The following RNF216 variants were observed in gnomAD, a reference collection of about 807,000 sequenced individuals.
RNF216 encodes ring finger protein 216.
In RNF216, 72 loss-of-function variants were observed where a neutral mutation model predicts 110.8. The ratio of observed to expected loss-of-function variants is 0.65; its 90% CI spans 0.54 to 0.79. RNF216 has a LOEUF of 0.79. Ranked by LOEUF, RNF216 falls within the 30% of genes least tolerant of loss-of-function variation. RNF216 has a pLI of 0.00. For missense variants in RNF216, 1,342 were observed against 1,141.2 expected (o/e 1.18, Z -2.54); for synonymous variants, 495 against 407.5 (o/e 1.21, Z -2.59).
Position 5,734,070 on chromosome 7 carries a change from C to G in RNF216, c.1122-3253G>C, listed in dbSNP as rs1794249038. 2.6e-5 allele frequency among the ~76,000 whole-genome samples: 4 copies of G among 152,148 alleles called. No homozygotes were observed. In the South Asian group the frequency reaches 8.3e-4, roughly 32 times the overall value. ...TAAAAGCTTAGGAGGGGAAAAAAATCTCCAACAAACAATTCTGCTGGAAGA... is the reference window on the plus strand; with the variant it reads ...TAAAAGCTTAGGAGGGGAAAAAAATGTCCAACAAACAATTCTGCTGGAAGA... On this transcript the variant is annotated intron_variant, in intron 5 of 16. Transcript: ENST00000389902.
Position 5,696,697 on chromosome 7 carries a change from G to C in RNF216, c.2061+15064C>G, listed in dbSNP as rs960695308. On this transcript the variant is annotated intron_variant, in intron 13 of 16. Coordinates refer to ENST00000389902, the MANE Select transcript of RNF216 (RefSeq NM_207111.4). This position sits in a 1 kb window ranked among gnomAD's most constrained non-coding sequence, Gnocchi z 5.4. ...TGCCCCCAACCTGCCCTTAGAACCA[G>C]GTTCCTTCAGGCCAAATCCCACCTA... 6.6e-6 allele frequency among the ~76,000 whole-genome samples: 1 copy of C among 152,158 alleles called. No individual in the cohort carries two copies. Among genetic ancestry groups the C allele is most frequent in the Non-Finnish European group, 1.5e-5 (1 of 68,026 alleles).
At chr7:5,767,291 G>A (rs117484155) in intron 1 of RNF216, among the ~76,000 whole-genome samples, 3,799 of 152,230 alleles carry the variant, frequency 0.025, 75 homozygotes, top group South Asian at 0.061. Flanking sequence ...TATATTTTTT[G>A]TCTCCTGAAG....
intron 5 of RNF216, among the ~76,000 whole-genome samples, chr7:5,732,435 A>C (rs1012321483): frequency 2.0e-5 from 3 of 152,260 alleles, no homozygotes; most frequent in African/African-American, 7.2e-5. Context: ...ATGGAACAGT[A>C]GATATGATTT....
chr7:5,628,999 A>T (rs1368995811), intron 15 of RNF216, among the ~76,000 whole-genome samples: 2 of 151,610 alleles, frequency 1.3e-5, no homozygotes, highest in African/African-American at 4.8e-5. Flanking sequence ...GAGTTAAGAG[A>T]CCAGTGTGGC....
chr7:5,673,800 C>A (rs1288799557), intron 13 of RNF216, among the ~76,000 whole-genome samples: 1 of 151,508 alleles, frequency 6.6e-6, no homozygotes, highest in Non-Finnish European at 1.5e-5. Context: ...TCACCTGAAC[C>A]CAGGAGTTTG....
chr7:5,761,552 C>G (rs1584595910), intron 1 of RNF216, among the ~76,000 whole-genome samples: 1 of 152,276 alleles, frequency 6.6e-6, no homozygotes, highest in African/African-American at 2.4e-5. Flanking sequence ...CTTTGGGAGG[C>G]CGAGGCGGGC....
At chr7:5,738,705 C>T (rs1794578969) in intron 5 of RNF216, among the ~76,000 whole-genome samples, 1 of 35,606 alleles carries the variant, frequency 2.8e-5, no homozygotes, top group Non-Finnish European at 5.0e-5. Context: ...GAGACTCCGT[C>T]TCAAAAAAAA....
At chr7:5,757,682 CAG>C (rs961971316) in intron 2 of RNF216, among the ~76,000 whole-genome samples, 12 of 152,008 alleles carry the variant, frequency 7.9e-5, no homozygotes, top group African/African-American at 2.9e-4. Context: ...TATGAAATGA[CAG>C]AGTCAAAAAA....
chr7:5,665,962 G>T (rs1308907245), intron 13 of RNF216, among the ~76,000 whole-genome samples: 1 of 152,058 alleles, frequency 6.6e-6, no homozygotes, highest in African/African-American at 2.4e-5. Context: ...TCAGGAGATC[G>T]AGACGATCCT....
chr7:5,623,129 C>T lies in RNF216; in HGVS notation c.2503G>A (p.Val835Met). 1 of 1,597,110 alleles carries T rather than the reference C, an allele frequency of 6.3e-7. No individual in the cohort carries two copies. Among genetic ancestry groups the T allele is most frequent in the Non-Finnish European group, 8.6e-7 (1 of 1,167,402 alleles). Residue 835 changes from valine (V) to methionine (M), a missense_variant, in exon 17 of 17, where the codon GTG becomes ATG. Val to Met is a conservative substitution (Grantham distance 21, BLOSUM62 1). Coordinates refer to ENST00000389902, the MANE Select transcript of RNF216 (RefSeq NM_207111.4). ...GPPLEKPVEK[V>M]QRVEALPRPV... ...CTCGGGAGGGCCTCCACCCTCTGCA[C>T]CTTCTCCACAGGCTTCTCCAGCGGG...
At chr7:5,651,231 T>C (rs1180169618) in intron 14 of RNF216, among the ~76,000 whole-genome samples, 1 of 148,686 alleles carries the variant, frequency 6.7e-6, no homozygotes, top group African/African-American at 2.5e-5. Flanking sequence ...AATCTTCTCT[T>C]TTTTTTTTTT....
chr7:5,772,085 T>C (rs781256557), intron 1 of RNF216, among the ~76,000 whole-genome samples: 1 of 151,778 alleles, frequency 6.6e-6, no homozygotes, highest in Non-Finnish European at 1.5e-5. Context: ...AATACAAAAT[T>C]AGCTGGGCAT....
chr7:5,760,501 T>C, intron 2 of RNF216: 2 of 312,852 alleles, frequency 6.4e-6, no homozygotes, highest in South Asian at 2.5e-5. Flanking sequence ...GGGCAATGAG[T>C]AAAATTCCAT....
At chr7:5,752,553 T>C (rs1033710747) in intron 3 of RNF216, among the ~76,000 whole-genome samples, 6 of 152,088 alleles carry the variant, frequency 3.9e-5, no homozygotes, top group African/African-American at 1.4e-4. Flanking sequence ...TGGGATAATA[T>C]GGAAAATATA....
At chr7:5,660,915 T>C (rs1789076866) in intron 13 of RNF216, among the ~76,000 whole-genome samples, 1 of 149,080 alleles carries the variant, frequency 6.7e-6, no homozygotes, top group Non-Finnish European at 1.5e-5. Context: ...CTTTTCACAG[T>C]ACTAGCTCCA....
intron 5 of RNF216, among the ~76,000 whole-genome samples, chr7:5,737,002 C>T (rs1445256498): frequency 3.3e-5 from 5 of 151,954 alleles, no homozygotes; most frequent in East Asian, 3.9e-4. Context: ...TCTGCCCGGC[C>T]GCCACCCCGT....
intron 15 of RNF216, among the ~76,000 whole-genome samples, chr7:5,633,447 C>T (rs1787201785): frequency 6.6e-6 from 1 of 152,028 alleles, no homozygotes; most frequent in Non-Finnish European, 1.5e-5. Flanking sequence ...TGGTGGCGTG[C>T]ACCTGTAATC....
chr7:5,682,792 C>T (rs1453639378), intron 13 of RNF216, among the ~76,000 whole-genome samples: 2 of 152,090 alleles, frequency 1.3e-5, no homozygotes, highest in African/African-American at 2.4e-5. Flanking sequence ...AAACTGTGCT[C>T]CAAGAGTCTT....
intron 13 of RNF216, among the ~76,000 whole-genome samples, chr7:5,667,686 T>C (rs754304992): frequency 2.6e-5 from 4 of 152,242 alleles, no homozygotes; most frequent in Non-Finnish European, 4.4e-5. Context: ...CTGGGAATCT[T>C]GGCCTGGCAG....
Sources: gnomAD v4.1 joint callset for allele counts (sites outside exome capture counted in the v4.1 genomes callset) on GRCh38, gnomAD v4.1.1 for gene constraint, Gnocchi (gnomAD v3.1) non-coding constraint, MANE v1.5 for transcripts, NCBI Gene and HGNC (gene_info 2026-07-23, HGNC 2026-07-21) for gene names.